CAMKMT: variants seen among roughly 807,000 people sequenced by gnomAD.
CAMKMT encodes CaM KMT.
In CAMKMT, 53 loss-of-function variants were observed where a neutral mutation model predicts 48.0. The observed-to-expected ratio is 1.10, with a 90% confidence interval of 0.89 to 1.39. The LOEUF (loss-of-function observed/expected upper bound fraction) is 1.39. Among genes scored for constraint, CAMKMT ranks in the 40% most tolerant of loss-of-function variants. The pLI, the probability that CAMKMT is intolerant of heterozygous loss-of-function variation, is 0.00. For missense variants in CAMKMT, 428 were observed against 402.7 expected (o/e 1.06, Z -0.54); for synonymous variants, 165 against 152.3 (o/e 1.08, Z -0.61).
chr2:44,730,973 G>A (rs938807696), intron 7 of CAMKMT, among the ~76,000 whole-genome samples: 2 of 152,168 alleles, frequency 1.3e-5, no homozygotes, highest in African/African-American at 4.8e-5. Flanking sequence ...CATTTAGCAA[G>A]CATGATCAAG....
intron 3 of CAMKMT, among the ~76,000 whole-genome samples, chr2:44,579,017 C>A (rs934034392): frequency 6.6e-6 from 1 of 152,172 alleles, no homozygotes; most frequent in Non-Finnish European, 1.5e-5. Flanking sequence ...CCATTTGTGA[C>A]TGAAGTTTGC....
intron 3 of CAMKMT, among the ~76,000 whole-genome samples, chr2:44,527,853 C>T (rs1666246631): frequency 7.4e-6 from 1 of 134,750 alleles, no homozygotes; most frequent in Non-Finnish European, 1.6e-5. Context: ...CCTACCTTGA[C>T]ACATTATCAC....
At chr2:44,421,864 AG>A (rs1683956303) in intron 3 of CAMKMT, among the ~76,000 whole-genome samples, 1 of 152,220 alleles carries the variant, frequency 6.6e-6, no homozygotes, top group South Asian at 2.1e-4. Context: ...GCAAAGTAAT[AG>A]AAACTGATGT....
chr2:44,612,734 A>G (rs1671666955), intron 3 of CAMKMT, among the ~76,000 whole-genome samples: 1 of 152,222 alleles, frequency 6.6e-6, no homozygotes, highest in Admixed American at 6.5e-5. Context: ...TGCAGAGTTT[A>G]TTAAGTAACA....
chr2:44,489,956 C>G (rs570959615), intron 3 of CAMKMT, among the ~76,000 whole-genome samples: 39 of 152,094 alleles, frequency 2.6e-4, no homozygotes, highest in African/African-American at 9.4e-4. Flanking sequence ...TAAACCTGCA[C>G]ATGTACTTGC....
At chr2:44,554,193 T>C (rs982366774) in intron 3 of CAMKMT, among the ~76,000 whole-genome samples, 6 of 152,088 alleles carry the variant, frequency 3.9e-5, no homozygotes, top group Non-Finnish European at 8.8e-5. Context: ...TAAGATAGAG[T>C]TTATACCTTT....
At chr2:44,719,192 G>T (rs191922938) in intron 7 of CAMKMT, among the ~76,000 whole-genome samples, 3 of 152,038 alleles carry the variant, frequency 2.0e-5, no homozygotes, top group Admixed American at 2.0e-4. Flanking sequence ...TGCCATTCTT[G>T]TTTCTCTCCT....
intron 3 of CAMKMT, among the ~76,000 whole-genome samples, chr2:44,603,302 G>A (rs1671108260): frequency 6.6e-6 from 1 of 152,010 alleles, no homozygotes; most frequent in South Asian, 2.1e-4. Flanking sequence ...TGTTGGCCAG[G>A]CTGGTCTTGA....
chr2:44,706,193 C>A, intron 4 of CAMKMT, 94 bp from the exon 5 acceptor site: 1 of 1,266,234 alleles, frequency 7.9e-7, no homozygotes, highest in Non-Finnish European at 1.2e-6. Context: ...GCCGTTCTTA[C>A]TGCAGATGGC....
chr2:44,491,289 G>T (rs1209219270), intron 3 of CAMKMT, among the ~76,000 whole-genome samples: 2 of 152,050 alleles, frequency 1.3e-5, no homozygotes, highest in Non-Finnish European at 2.9e-5. Context: ...CCATTCTAGG[G>T]CAATGAAGTG....
At chr2:44,367,813 T>C (rs1416749295) in intron 1 of CAMKMT, among the ~76,000 whole-genome samples, 1 of 152,224 alleles carries the variant, frequency 6.6e-6, no homozygotes, top group African/African-American at 2.4e-5. Flanking sequence ...AAAGTACCAT[T>C]GTGGGGAAGT....
chr2:44,507,839 C>T (rs1216268983), intron 3 of CAMKMT, among the ~76,000 whole-genome samples: 4 of 152,130 alleles, frequency 2.6e-5, no homozygotes, highest in Non-Finnish European at 5.9e-5. Context: ...AAAAAAGTGT[C>T]AGCCGAACTA....
intron 3 of CAMKMT, among the ~76,000 whole-genome samples, chr2:44,486,560 T>G (rs939887154): frequency 6.6e-6 from 1 of 152,242 alleles, no homozygotes; most frequent in Non-Finnish European, 1.5e-5. Flanking sequence ...ATGTTGGTCA[T>G]AGAATGCCTC....
At chr2:44,380,240 A>G (rs1034958363) in intron 2 of CAMKMT, among the ~76,000 whole-genome samples, 1 of 152,176 alleles carries the variant, frequency 6.6e-6, no homozygotes, top group Non-Finnish European at 1.5e-5. Context: ...TGCTTGTGAA[A>G]AAAATGGTTT....
intron 8 of CAMKMT, among the ~76,000 whole-genome samples, chr2:44,748,849 C>T (rs916701287): frequency 6.6e-6 from 1 of 152,134 alleles, no homozygotes; most frequent in African/African-American, 2.4e-5. Flanking sequence ...ATATTATTGC[C>T]TCACTAAGGA....
intron 1 of CAMKMT, among the ~76,000 whole-genome samples, chr2:44,370,254 T>G (rs1321617765): frequency 6.6e-6 from 1 of 152,258 alleles, no homozygotes; most frequent in Non-Finnish European, 1.5e-5. Flanking sequence ...AGACTTGCAT[T>G]AATTCTTACT....
chr2:44,756,019 C>A (rs1459615679), intron 9 of CAMKMT, among the ~76,000 whole-genome samples: 1 of 152,178 alleles, frequency 6.6e-6, no homozygotes, highest in Non-Finnish European at 1.5e-5. Flanking sequence ...GTGTAAGGAG[C>A]CCACCATCAG....
intron 3 of CAMKMT, among the ~76,000 whole-genome samples, chr2:44,553,241 A>G (rs974308302): frequency 2.6e-5 from 4 of 151,868 alleles, no homozygotes; most frequent in Admixed American, 2.6e-4. Context: ...TAGATAGCAT[A>G]TGAACCGTCT....
intron 7 of CAMKMT, among the ~76,000 whole-genome samples, chr2:44,732,144 G>T (rs577843053): frequency 6.6e-6 from 1 of 152,106 alleles, no homozygotes; most frequent in East Asian, 1.9e-4. Context: ...GTAGAGACAG[G>T]GGTCTCACTA....
Sources: allele counts gnomAD v4.1 joint callset (sites outside exome capture counted in the v4.1 genomes callset), GRCh38; gene constraint gnomAD v4.1.1; transcripts MANE v1.5; gene names NCBI Gene and HGNC (gene_info 2026-07-23, HGNC 2026-07-21).